Variants in DAG1 observed in about 807,000 individuals in gnomAD.
DAG1 encodes the protein dystroglycan 1 (dystrophin-associated glycoprotein 1).
In DAG1, 8 loss-of-function variants were observed where a neutral mutation model predicts 46.1. That is an observed-to-expected ratio of 0.17 (90% CI 0.10 to 0.31). DAG1 has a LOEUF of 0.31. DAG1 is among the 10% of genes least tolerant of loss of function. The pLI, the probability that DAG1 is intolerant of heterozygous loss-of-function variation, is 1.00. For missense variants in DAG1, 1,003 were observed against 1,189.9 expected (o/e 0.84, Z 2.31); for synonymous variants, 495 against 481.8 (o/e 1.03, Z -0.36).
At chr3:49,527,055 G>T (rs2051191477) in intron 2 of DAG1, among the ~76,000 whole-genome samples, 2 of 152,182 alleles carry the variant, frequency 1.3e-5, no homozygotes, top group South Asian at 4.1e-4. Context: ...AGCCAGGCTG[G>T]GAAGCCTTGA....
chr3:49,485,676 T>G (rs2107185995), intron 1 of DAG1, among the ~76,000 whole-genome samples: 1 of 147,316 alleles, frequency 6.8e-6, no homozygotes, highest in East Asian at 2.0e-4. Flanking sequence ...TTTTTTTTTT[T>G]TTTGAGACAA....
intron 1 of DAG1, among the ~76,000 whole-genome samples, chr3:49,472,374 C>T (rs1160682133): frequency 6.6e-6 from 1 of 152,076 alleles, no homozygotes; most frequent in African/African-American, 2.4e-5. Flanking sequence ...ATTTAAATTC[C>T]TTGTTGACTA....
chr3:49,530,359 T>G (rs1357737314), intron 2 of DAG1, among the ~76,000 whole-genome samples: 1 of 152,106 alleles, frequency 6.6e-6, no homozygotes, highest in Non-Finnish European at 1.5e-5. Flanking sequence ...AAAGATGTGG[T>G]GTCTGCAGAG....
intron 2 of DAG1, among the ~76,000 whole-genome samples, chr3:49,516,044 C>A (rs1051898593): frequency 6.6e-6 from 1 of 152,258 alleles, no homozygotes; most frequent in Non-Finnish European, 1.5e-5. Context: ...ACACACCTAG[C>A]TTAGGGTCCA....
At chr3:49,511,073 A>G (rs1321056304) in intron 2 of DAG1, 5 of 717,756 alleles carry the variant, frequency 7.0e-6, no homozygotes, top group African/African-American at 1.9e-5. Context: ...TCTACTGAAC[A>G]CTGATTTAGG....
intron 2 of DAG1, among the ~76,000 whole-genome samples, chr3:49,513,326 A>G (rs1486204047): frequency 6.6e-6 from 1 of 152,072 alleles, no homozygotes. Flanking sequence ...GATGGATTTT[A>G]AGATTAGGTA....
chr3:49,496,652 G>C (rs1046829716), intron 1 of DAG1, among the ~76,000 whole-genome samples: 1 of 151,224 alleles, frequency 6.6e-6, no homozygotes, highest in African/African-American at 2.4e-5. Flanking sequence ...GAGCCACTGT[G>C]CCCGGCCTAA....
intron 1 of DAG1, among the ~76,000 whole-genome samples, chr3:49,477,730 T>C (rs748387084): frequency 6.8e-6 from 1 of 146,020 alleles, no homozygotes; most frequent in African/African-American, 2.6e-5. Flanking sequence ...GGGAGGCCGA[T>C]GTGCACAGAT....
intron 1 of DAG1, among the ~76,000 whole-genome samples, chr3:49,485,657 C>CTTTTTTTT (rs749730213): frequency 1.2e-5 from 1 of 82,110 alleles, no homozygotes; most frequent in Non-Finnish European, 2.4e-5. Context: ...TGTTTTCTTT[C>CTTTTTTTT]TTTTTTTTTT....
intron 1 of DAG1, among the ~76,000 whole-genome samples, chr3:49,492,128 T>C (rs1204853755): frequency 2.0e-4 from 30 of 152,014 alleles, no homozygotes; most frequent in Admixed American, 2.0e-3. Context: ...GGTTTCACCA[T>C]GTTGGTCAGG....
intron 1 of DAG1, among the ~76,000 whole-genome samples, chr3:49,488,461 T>G (rs1575354409): frequency 6.6e-6 from 1 of 152,136 alleles, no homozygotes; most frequent in East Asian, 1.9e-4. Flanking sequence ...CAAGGATGAG[T>G]GTGAGAACAC....
rs754981596 is a variant in DAG1, at chr3:49,533,336, C to T, written c.*137C>T. 7.6e-7 allele frequency: 1 copy of T among 1,322,500 alleles called. No individual in the cohort carries two copies. Among genetic ancestry groups the T allele is most frequent in the Admixed American group, 2.0e-5 (1 of 50,928 alleles). 81.9% of individuals were successfully genotyped at this position (1,322,500 alleles called of 1,614,324 possible). On this transcript the variant is annotated 3_prime_UTR_variant, in exon 3 of 3. Coordinates refer to ENST00000308775, the MANE Select transcript of DAG1 (RefSeq NM_004393.6). ...ACCTAGCACACACTGACACAGGGGC[C>T]TGGACAAGCCCGCCCTCTCTGGTCC...
chr3:49,525,471 G>C (rs531928789), intron 2 of DAG1, among the ~76,000 whole-genome samples: 14 of 152,264 alleles, frequency 9.2e-5, no homozygotes, highest in Non-Finnish European at 2.1e-4. Context: ...GCCTCAGGAA[G>C]CTTCCAATCA....
intron 1 of DAG1, among the ~76,000 whole-genome samples, chr3:49,497,523 G>A (rs1485072256): frequency 2.0e-5 from 3 of 151,846 alleles, no homozygotes; most frequent in Non-Finnish European, 1.5e-5. Flanking sequence ...GAGGCAGAAG[G>A]ATCACTTGAG....
chr3:49,504,962 A>AGTC (rs67544786), intron 1 of DAG1, among the ~76,000 whole-genome samples: 41,568 of 87,366 alleles, frequency 0.48, 6,528 homozygotes, highest in Middle Eastern at 0.55. Flanking sequence ...CCACCATTAC[A>AGTC]GTCTTCTTCT....
chr3:49,530,859 C>A lies in DAG1; in HGVS notation c.348C>A (p.Thr116=). The stretch of plus-strand genomic sequence containing the variant: ...TGCACTGGGACTCACAGAGCCACAC[C>A]CTGGAGGGCCTCCCCCTTGACACTG... ...SWLHWDSQSH[T]LEGLPLDTDK... The change falls in exon 3 of 3, where the codon ACC becomes ACA. Residue 116 remains threonine, a synonymous_variant. Coordinates refer to ENST00000308775, the MANE Select transcript of DAG1 (RefSeq NM_004393.6). 6.2e-7 allele frequency: 1 copy of A among 1,614,186 alleles called. No individual in the cohort carries two copies. The highest frequency in any genetic ancestry group is 8.5e-7 in the Non-Finnish European group (1 of 1,180,034).
chr3:49,494,868 T>C lies in DAG1; in HGVS notation c.-116-15551T>C, dbSNP rs183906662. On this transcript the variant is annotated intron_variant, in intron 1 of 2. Coordinates refer to ENST00000308775, the MANE Select transcript of DAG1 (RefSeq NM_004393.6). ...CAGGATGGTCTCGATCTCTTGACCT[T>C]GTGATCCACCCGCCTCAGCCTCCCA... Among the ~76,000 whole-genome samples the C allele has an allele frequency of 4.3e-3, 654 of 150,724 alleles. 7 individuals carry two copies. The highest frequency in any genetic ancestry group is 0.015 in the African/African-American group (623 of 41,032).
chr3:49,529,360 A>G (rs564616321), intron 2 of DAG1, among the ~76,000 whole-genome samples: 1 of 152,298 alleles, frequency 6.6e-6, no homozygotes, highest in East Asian at 1.9e-4. Flanking sequence ...TGCTGGGTGT[A>G]GGAAACCTGT....
In DAG1 at chr3:49,533,393, G is replaced by A. The variant is rs1357780836; in HGVS notation, c.*194G>A. On this transcript the variant is annotated 3_prime_UTR_variant, in exon 3 of 3. Transcript: ENST00000308775. ...ACCCCAAAGCAGCTGGAGAGACTTT[G>A]GGGACTTTTTTATTTTTATTTTTTG... The A allele has an allele frequency of 5.9e-6, 5 of 841,762 alleles. No homozygotes were observed. The highest frequency in any genetic ancestry group is 2.6e-5 in the East Asian group (1 of 37,824). The allele number at this position is 841,762 out of a possible 1,614,324, so 52.1% of individuals were successfully genotyped here.
Sources: gnomAD v4.1 joint callset for allele counts (sites outside exome capture counted in the v4.1 genomes callset) on GRCh38, gnomAD v4.1.1 for gene constraint, MANE v1.5 for transcripts, NCBI Gene and HGNC (gene_info 2026-07-23, HGNC 2026-07-21) for gene names.